C4orf51: variants seen among roughly 807,000 people sequenced by gnomAD.
C4orf51 encodes uncharacterized protein C4orf51.
A neutral mutation model predicts 25.2 loss-of-function variants in C4orf51; 25 were observed. That is an observed-to-expected ratio of 0.99 (90% CI 0.72 to 1.39). The LOEUF is 1.39. Ranked by LOEUF, C4orf51 falls within the 40% of genes most tolerant of loss-of-function variation. C4orf51 has a pLI of 0.00. For missense variants in C4orf51, 252 were observed against 239.6 expected (o/e 1.05, Z -0.34); for synonymous variants, 100 against 84.5 (o/e 1.18, Z -1.01).
At chr4:145,757,621 CAA>C, downstream of C4orf51, 1 of 149,554 alleles carries the variant, frequency 6.7e-6, no homozygotes, top group East Asian at 2.0e-4. Flanking sequence ...GAAAAAGAAA[CAA>C]GAGTATAGCC....
Position 145,690,203 on chromosome 4 carries a change from G to A in C4orf51, c.234-6356G>A, listed in dbSNP as rs532216924. Among the ~76,000 whole-genome samples, 28 of 128,314 alleles carry A rather than the reference G, an allele frequency of 2.2e-4. No individual in the cohort carries two copies. In the South Asian group the frequency reaches 3.0e-3, roughly 14 times the overall value. 84.2% of individuals were successfully genotyped at this position (128,314 alleles called of 152,430 possible). On this transcript the variant is annotated intron_variant, in intron 1 of 5. Coordinates refer to ENST00000438731, the MANE Select transcript of C4orf51 (RefSeq NM_001080531.3). ...GCTTGGGCAACAAGAGCAAACCTCC[G>A]TAAAAAAAATAAATAAAATAGGCTG...
intron 1 of C4orf51, among the ~76,000 whole-genome samples, chr4:145,691,614 G>A (rs1032385530): frequency 2.0e-5 from 3 of 152,268 alleles, no homozygotes; most frequent in South Asian, 2.1e-4. Flanking sequence ...ACACAGCCAC[G>A]AAAAAGAATG....
chr4:145,722,203 A>C (rs549338591), intron 2 of C4orf51, among the ~76,000 whole-genome samples: 2 of 152,276 alleles, frequency 1.3e-5, no homozygotes, highest in East Asian at 3.9e-4. Flanking sequence ...ATCAATACCC[A>C]CCTGCCCTCT....
At chr4:145,783,077 TATATATATATTCTGCATATAAAGCA>T in the C4orf51 span, among the ~76,000 whole-genome samples, 1 of 152,132 alleles carries the variant, frequency 6.6e-6, no homozygotes, top group South Asian at 2.1e-4. Context: ...ATAAGCCATA[TATATATATATTCTGCATATAAAGCA>T]CCCAGCATAG....
At chr4:145,698,160 T>A (rs1730191181) in intron 2 of C4orf51, among the ~76,000 whole-genome samples, 2 of 152,126 alleles carry the variant, frequency 1.3e-5, no homozygotes, top group African/African-American at 2.4e-5. Context: ...TTCCCATTTT[T>A]AAATCAGTTT....
At chr4:145,701,015 C>T (rs187656226) in intron 2 of C4orf51, among the ~76,000 whole-genome samples, 205 of 152,266 alleles carry the variant, frequency 1.3e-3, no homozygotes, top group African/African-American at 4.5e-3. Context: ...AGGGTTTAGG[C>T]TCTTTTTCAT....
intron 2 of C4orf51, 97 bp downstream of exon 2, chr4:145,696,729 T>C: frequency 1.1e-6 from 1 of 903,168 alleles, no homozygotes; most frequent in Non-Finnish European, 1.7e-6. Flanking sequence ...TACTGAGATA[T>C]GATTGACAAA....
At chr4:145,779,416 C>T in the C4orf51 span, 47 of 1,613,976 alleles carry the variant, frequency 2.9e-5, no homozygotes, top group African/African-American at 5.7e-4. Context: ...TGCTGTCGGC[C>T]AAACACTTTC....
At chr4:145,768,152 T>C (rs1238634922) in intron 1 of C4orf51, among the ~76,000 whole-genome samples, 1 of 152,206 alleles carries the variant, frequency 6.6e-6, no homozygotes, top group Non-Finnish European at 1.5e-5. Flanking sequence ...GAAGTTTTAC[T>C]GTGATAAACT....
At chr4:145,777,648 G>T in the C4orf51 span, among the ~76,000 whole-genome samples, 1 of 151,950 alleles carries the variant, frequency 6.6e-6, no homozygotes, top group Non-Finnish European at 1.5e-5. Flanking sequence ...TCCTAACTTT[G>T]AGTATTTTTG....
At chr4:145,743,639 AT>A (rs990560484) in intron 1 of C4orf51, among the ~76,000 whole-genome samples, 2 of 152,246 alleles carry the variant, frequency 1.3e-5, no homozygotes, top group African/African-American at 4.8e-5. Context: ...TCTTCCTAAA[AT>A]GCAGATCTAA....
the C4orf51 span, among the ~76,000 whole-genome samples, chr4:145,791,791 A>G: frequency 6.6e-6 from 1 of 152,334 alleles, no homozygotes; most frequent in Non-Finnish European, 1.5e-5. Flanking sequence ...AACTCTCTTA[A>G]CAAAAGATTA....
the C4orf51 span, among the ~76,000 whole-genome samples, chr4:145,788,362 C>G: frequency 2.6e-5 from 4 of 152,162 alleles, no homozygotes; most frequent in African/African-American, 7.2e-5. Context: ...TCACATAGAA[C>G]TTGAGCACCA....
chr4:145,706,144 T>A (rs9968516), intron 2 of C4orf51, among the ~76,000 whole-genome samples: 94,100 of 151,974 alleles, frequency 0.62, 30,268 homozygotes, highest in African/African-American at 0.8. Context: ...TTGAAACAGA[T>A]TTTTTTTCTC....
intron 1 of C4orf51, among the ~76,000 whole-genome samples, chr4:145,748,578 T>C (rs1305224751): frequency 6.6e-6 from 1 of 152,156 alleles, no homozygotes; most frequent in African/African-American, 2.4e-5. Flanking sequence ...TATGATGTGT[T>C]CCAATTATCA....
intron 1 of C4orf51, among the ~76,000 whole-genome samples, chr4:145,684,730 T>G (rs939500354): frequency 7.9e-5 from 12 of 152,262 alleles, no homozygotes; most frequent in Middle Eastern, 3.4e-3. Context: ...CTCTGTATGT[T>G]CATCTTAATT....
intron 2 of C4orf51, 123 bp downstream of exon 2, chr4:145,696,755 G>A (rs11733094): frequency 0.14 from 98,793 of 717,204 alleles, 7,291 homozygotes; most frequent in South Asian, 0.17. Context: ...ATTGTAGGCC[G>A]GGCACTGTGG....
rs929756043 is a variant in C4orf51 at position 145,762,823 on chromosome 4, C to T, written n.167-8165C>T. Among the ~76,000 whole-genome samples, 8 of 152,226 alleles carry T rather than the reference C, an allele frequency of 5.3e-5. No individual in the cohort carries two copies. In the South Asian group the frequency reaches 1.7e-3, roughly 31 times the overall value. On this transcript the variant is annotated intron_variant and non_coding_transcript_variant, in intron 1 of 1. Transcript: ENST00000510096. This position sits in a 1 kb window ranked among gnomAD's most constrained non-coding sequence, Gnocchi z 4.9. ...GAACTGTAGTGTGTTTGCTCTCTTT[C>T]CACAAAGAATGCAGATGCAAAAGTG...
intron 1 of C4orf51, among the ~76,000 whole-genome samples, chr4:145,764,457 G>A (rs1451534772): frequency 6.6e-6 from 1 of 152,170 alleles, no homozygotes; most frequent in Non-Finnish European, 1.5e-5. Flanking sequence ...CTAGATCTTG[G>A]GAAGAAGACA....
Sources: allele counts gnomAD v4.1 joint callset (sites outside exome capture counted in the v4.1 genomes callset), GRCh38; gene constraint gnomAD v4.1.1; non-coding constraint Gnocchi (gnomAD v3.1); transcripts MANE v1.5; gene names NCBI Gene and HGNC (gene_info 2026-07-23, HGNC 2026-07-21).